Variants in LIMCH1 observed in about 807,000 individuals in gnomAD.
LIMCH1 encodes the protein LIM and calponin homology domains-containing protein 1.
Under a neutral mutation model 176.5 loss-of-function variants are expected in LIMCH1, and 113 were observed. The observed-to-expected ratio is 0.64, with a 90% CI of 0.55 to 0.75. The LOEUF is 0.75. Ranked by LOEUF, LIMCH1 falls within the 30% of genes least tolerant of loss-of-function variation. LIMCH1 has a pLI of 0.00. For synonymous variants in LIMCH1, 619 were observed against 645.9 expected (o/e 0.96, Z 0.63); for missense variants, 1,674 against 1,814.9 (o/e 0.92, Z 1.41).
At chr4:41,606,440 A>G (rs1298634365) in intron 4 of LIMCH1, among the ~76,000 whole-genome samples, 1 of 152,184 alleles carries the variant, frequency 6.6e-6, no homozygotes, top group Non-Finnish European at 1.5e-5. Flanking sequence ...ACGTGAACCA[A>G]GCTCTTACCT....
At chr4:41,379,103 A>C (rs1245963584) in intron 1 of LIMCH1, among the ~76,000 whole-genome samples, 1 of 152,174 alleles carries the variant, frequency 6.6e-6, no homozygotes, top group Non-Finnish European at 1.5e-5. Context: ...TTATTATTTT[A>C]TAGTTTCTAT....
chr4:41,360,357 G>A (rs983825124), upstream of LIMCH1, among the ~76,000 whole-genome samples: 15 of 152,010 alleles, frequency 9.9e-5, no homozygotes, highest in African/African-American at 3.6e-4. This position sits in a 1 kb window ranked among gnomAD's most constrained non-coding sequence, Gnocchi z 4.5. Context: ...CCGCTCCCCC[G>A]GGCCCGGGTG....
chr4:41,630,544 G>A (rs2093263879), intron 9 of LIMCH1, among the ~76,000 whole-genome samples: 1 of 152,170 alleles, frequency 6.6e-6, no homozygotes, highest in African/African-American at 2.4e-5. Context: ...TGATGTTAGA[G>A]ATGTTAGAAT....
chr4:41,553,083 ATCTC>A (rs2080732894), intron 1 of LIMCH1, among the ~76,000 whole-genome samples: 2 of 152,102 alleles, frequency 1.3e-5, no homozygotes, highest in South Asian at 4.1e-4. Context: ...CGCTACAAGA[ATCTC>A]TTCTCTCCCT....
At chr4:41,427,167 A>T (rs181226315) in intron 1 of LIMCH1, among the ~76,000 whole-genome samples, 178 of 152,292 alleles carry the variant, frequency 1.2e-3, no homozygotes, top group Middle Eastern at 3.4e-3. Context: ...TTTGGAGAGG[A>T]TGTTTTGATG....
intron 2 of LIMCH1, among the ~76,000 whole-genome samples, chr4:41,495,724 GA>G (rs1481163851): frequency 6.6e-6 from 1 of 151,970 alleles, no homozygotes; most frequent in Admixed American, 6.6e-5. Context: ...GGCTTTTTAT[GA>G]GCTTCAAAAG....
intron 21 of LIMCH1, among the ~76,000 whole-genome samples, chr4:41,669,973 A>T (rs2094957312): frequency 6.6e-6 from 1 of 152,180 alleles, no homozygotes; most frequent in South Asian, 2.1e-4. Flanking sequence ...AGATCTGCTG[A>T]TCGACCCTAA....
At chr4:41,609,672 C>T (rs1253701629) in intron 4 of LIMCH1, 12 of 455,676 alleles carry the variant, frequency 2.6e-5, no homozygotes, top group Admixed American at 1.2e-4. Context: ...AAAATAATCC[C>T]AAAATTTCAT....
At chr4:41,651,281 C>T (rs1395080734) in intron 18 of LIMCH1, among the ~76,000 whole-genome samples, 1 of 152,158 alleles carries the variant, frequency 6.6e-6, no homozygotes, top group East Asian at 1.9e-4. Flanking sequence ...GCTGGGATTA[C>T]AGGCATGAGC....
intron 26 of LIMCH1, among the ~76,000 whole-genome samples, chr4:41,682,717 C>G (rs1007998420): frequency 7.9e-5 from 11 of 138,770 alleles, no homozygotes; most frequent in Non-Finnish European, 1.7e-4. Context: ...CTCACTCTAT[C>G]TCAGGCTGGA....
At chr4:41,595,570 A>G (rs1037601105) in intron 1 of LIMCH1, among the ~76,000 whole-genome samples, 1 of 152,146 alleles carries the variant, frequency 6.6e-6, no homozygotes, top group Non-Finnish European at 1.5e-5. Context: ...AATAAATGAA[A>G]TAATCCATGT....
intron 2 of LIMCH1, among the ~76,000 whole-genome samples, chr4:41,514,313 C>T (rs1349854189): frequency 3.3e-5 from 5 of 151,986 alleles, no homozygotes; most frequent in Admixed American, 1.3e-4. Flanking sequence ...AGTGTTGGGA[C>T]CCAGAGGTGG....
rs2068691245 is a variant in LIMCH1 at position 41,481,828 on chromosome 4, T to A, written c.97-12708T>A. Reference sequence around the variant, plus strand: ...GGAACAGATGTTAAGACTTTGGTATTGATCTTAGTGTGAAATAGTTGTTTT... The same window carrying A: ...GGAACAGATGTTAAGACTTTGGTATAGATCTTAGTGTGAAATAGTTGTTTT... On this transcript the variant is annotated intron_variant, in intron 1 of 26. Coordinates refer to the LIMCH1 transcript ENST00000313860. Among the ~76,000 whole-genome samples the A allele has an allele frequency of 2.0e-5, 3 of 151,616 alleles. No homozygotes were observed. In the South Asian group the frequency reaches 6.3e-4, roughly 32 times the overall value.
chr4:41,431,803 G>T (rs1242757413), intron 1 of LIMCH1, among the ~76,000 whole-genome samples: 1 of 152,102 alleles, frequency 6.6e-6, no homozygotes, highest in Non-Finnish European at 1.5e-5. Context: ...TGAGTTTTGG[G>T]TGATTACTTC....
intron 2 of LIMCH1, among the ~76,000 whole-genome samples, chr4:41,508,493 C>T (rs187660789): frequency 8.0e-4 from 121 of 152,056 alleles, no homozygotes; most frequent in African/African-American, 2.9e-3. Context: ...AGAGGTGAGA[C>T]GATGCATTCA....
At chr4:41,619,589 G>C in intron 6 of LIMCH1, 149 bp downstream of exon 6, 2 of 1,033,596 alleles carry the variant, frequency 1.9e-6, no homozygotes, top group Non-Finnish European at 2.7e-6. Flanking sequence ...TCTTTGGAGA[G>C]AGCTTGTCAG....
rs1305240229 is a variant in LIMCH1 at position 41,360,958 on chromosome 4, G to A, written c.96+22G>A. 3.9e-6 allele frequency: 6 copies of A among 1,547,612 alleles called. No homozygotes were observed. Among genetic ancestry groups the A allele is most frequent in the Non-Finnish European group, 5.2e-6 (6 of 1,147,288 alleles). Reference sequence around the variant, plus strand: ...TGAGGTAGGTGCGGGTGGCTGGCGGGCGGCCTTGCACTGGCGCCCTGAGCC... The same window carrying A: ...TGAGGTAGGTGCGGGTGGCTGGCGGACGGCCTTGCACTGGCGCCCTGAGCC... On this transcript the variant is annotated intron_variant, in intron 1 of 26. Transcript: ENST00000313860. The surrounding 1 kb of genome is among the most constrained non-coding windows in gnomAD (Gnocchi z 4.5).
intron 1 of LIMCH1, among the ~76,000 whole-genome samples, chr4:41,462,560 A>C (rs1387152640): frequency 2.6e-5 from 4 of 152,204 alleles, no homozygotes; most frequent in Non-Finnish European, 5.9e-5. Flanking sequence ...TCAAACATAA[A>C]CTTAAAAAAA....
At chr4:41,614,362 G>T (rs1361477387) in intron 5 of LIMCH1, among the ~76,000 whole-genome samples, 1 of 152,176 alleles carries the variant, frequency 6.6e-6, no homozygotes, top group East Asian at 1.9e-4. Flanking sequence ...TTTTTCAGAA[G>T]CCATTTGTCT....
Sources: allele counts gnomAD v4.1 joint callset (sites outside exome capture counted in the v4.1 genomes callset), GRCh38; gene constraint gnomAD v4.1.1; non-coding constraint Gnocchi (gnomAD v3.1); transcripts MANE v1.5; gene names NCBI Gene and HGNC (gene_info 2026-07-23, HGNC 2026-07-21).